Variants in NAV2 observed in about 807,000 individuals in gnomAD.
NAV2 encodes the protein helicase, APC down-regulated 1.
NAV2 carries 54 observed loss-of-function variants against 223.2 expected under a neutral mutation model. The ratio of observed to expected loss-of-function variants is 0.24; its 90% CI spans 0.19 to 0.30. NAV2 has a LOEUF of 0.30. Among genes scored for constraint, NAV2 ranks in the 10% least tolerant of loss-of-function variants. The pLI is 1.00. For missense variants in NAV2, 2,806 were observed against 3,147.5 expected, an observed-to-expected ratio of 0.89 and a Z score of 2.60; for synonymous variants, 1,279 against 1,239.3, an observed-to-expected ratio of 1.03 and a Z score of -0.67.
chr11:19,523,824 G>A (rs1016885160), intron 1 of NAV2, among the ~76,000 whole-genome samples: 5 of 152,010 alleles, frequency 3.3e-5, no homozygotes, highest in African/African-American at 9.7e-5. Flanking sequence ...ACCTCCCATC[G>A]CCCACTCTGA....
intron 1 of NAV2, among the ~76,000 whole-genome samples, chr11:19,442,770 C>T (rs1041930324): frequency 3.9e-5 from 6 of 152,228 alleles, no homozygotes; most frequent in Admixed American, 6.5e-5. Flanking sequence ...CCAACCTTTA[C>T]AGCAAGTGTG....
Position 19,940,286 on chromosome 11 carries a change from T to C in NAV2, c.2146+513T>C, listed in dbSNP as rs190801035. On this transcript the variant is annotated intron_variant, in intron 8 of 37. Transcript: ENST00000349880. Reference sequence around the variant, plus strand: ...AAATATAAATTTTATTTAAATGTAATGTAGACAATGATGATTACAGGTACA... The same window carrying C: ...AAATATAAATTTTATTTAAATGTAACGTAGACAATGATGATTACAGGTACA... Among the ~76,000 whole-genome samples, 399 of 152,292 alleles carry C rather than the reference T, an allele frequency of 2.6e-3. 3 individuals carry two copies. The highest frequency in any genetic ancestry group is 6.7e-3 in the African/African-American group (280 of 41,564).
intron 1 of NAV2, among the ~76,000 whole-genome samples, chr11:19,494,027 C>A (rs1471664404): frequency 1.3e-5 from 2 of 152,206 alleles, no homozygotes; most frequent in Non-Finnish European, 2.9e-5. Context: ...CTGGCCTGAT[C>A]CCTGCAGACC....
At chr11:19,405,188 C>A (rs1849842611) in intron 1 of NAV2, among the ~76,000 whole-genome samples, 1 of 152,180 alleles carries the variant, frequency 6.6e-6, no homozygotes, top group South Asian at 2.1e-4. Context: ...TGGTCTTAGA[C>A]CCCACCAGGC....
At chr11:19,626,589 A>T (rs2047178038) in intron 1 of NAV2, among the ~76,000 whole-genome samples, 1 of 152,058 alleles carries the variant, frequency 6.6e-6, no homozygotes, top group Admixed American at 6.6e-5. Flanking sequence ...TTTGATAGGG[A>T]TTGCATTGAA....
At chr11:19,407,709 C>T (rs1322954152) in intron 1 of NAV2, among the ~76,000 whole-genome samples, 1 of 151,896 alleles carries the variant, frequency 6.6e-6, no homozygotes, top group Non-Finnish European at 1.5e-5. Context: ...GCATGCCCCC[C>T]TTCCAACTTG....
rs138820855 is a variant in NAV2, at chr11:19,713,148, G to C, written c.-548G>C. On this transcript the variant is annotated 5_prime_UTR_variant, in exon 1 of 38. Coordinates refer to ENST00000349880, the MANE Select transcript of NAV2 (RefSeq NM_145117.5). This position sits in a 1 kb window ranked among gnomAD's most constrained non-coding sequence, Gnocchi z 7.2. Reference sequence around the variant, plus strand: ...CGAGCAGGGTGGCAGCTGCCTCTCGGTGGAGACGTCTTGGGACCCTTGCGC... The same window carrying C: ...CGAGCAGGGTGGCAGCTGCCTCTCGCTGGAGACGTCTTGGGACCCTTGCGC... Among the ~76,000 whole-genome samples the C allele has an allele frequency of 3.1e-3, 465 of 152,210 alleles. 4 individuals carry two copies. Among genetic ancestry groups the C allele is most frequent in the African/African-American group, 0.011 (439 of 41,556 alleles).
chr11:19,864,289 C>T (rs762600424), intron 3 of NAV2, among the ~76,000 whole-genome samples: 21 of 152,114 alleles, frequency 1.4e-4, no homozygotes, highest in Non-Finnish European at 1.8e-4. Flanking sequence ...GTGGTAGCAC[C>T]CATAGAGATG....
intron 11 of NAV2, among the ~76,000 whole-genome samples, chr11:20,004,250 G>A (rs760789644): frequency 4.6e-5 from 7 of 152,206 alleles, no homozygotes; most frequent in Non-Finnish European, 1.0e-4. Context: ...AGTTAGAATT[G>A]TGATGCCAAA....
intron 3 of NAV2, among the ~76,000 whole-genome samples, chr11:19,860,100 C>T (rs1207677570): frequency 7.5e-6 from 1 of 132,808 alleles, no homozygotes; most frequent in Admixed American, 7.2e-5. Context: ...GGGCTCCTCA[C>T]TTCCCAGTAG....
intron 1 of NAV2, among the ~76,000 whole-genome samples, chr11:19,479,375 T>C (rs1375210519): frequency 6.6e-6 from 1 of 152,180 alleles, no homozygotes; most frequent in East Asian, 1.9e-4. Flanking sequence ...GCTCCACTGC[T>C]GGATAGTAAT....
At position 19,641,095 on chromosome 11, in the gene NAV2, C is replaced by T. The variant is rs1027547246; in HGVS notation, c.76-191389C>T. ...CCAGAGACTGTTGCTGTCCATCGCA[C>T]TCTGGGCAGACAGGCCCCTGTGGTA... is the stretch of plus-strand genomic sequence containing the variant. On this transcript the variant is annotated intron_variant, in intron 1 of 37. Transcript: ENST00000360655. Among the ~76,000 whole-genome samples, 4 of 152,302 alleles carry T rather than the reference C, an allele frequency of 2.6e-5. 1 individual carries two copies. In the South Asian group the frequency reaches 8.3e-4, roughly 32 times the overall value.
intron 10 of NAV2, among the ~76,000 whole-genome samples, chr11:19,950,547 C>A (rs1450894304): frequency 1.3e-5 from 2 of 152,244 alleles, no homozygotes; most frequent in East Asian, 3.8e-4. Flanking sequence ...CTCTGTTCTA[C>A]CTCTGTGACT....
At chr11:19,625,209 T>C (rs2047130395) in intron 1 of NAV2, among the ~76,000 whole-genome samples, 1 of 152,238 alleles carries the variant, frequency 6.6e-6, no homozygotes, top group African/African-American at 2.4e-5. Flanking sequence ...AATCTCTCCC[T>C]ATCTTTCCCT....
intron 1 of NAV2, among the ~76,000 whole-genome samples, chr11:19,577,285 A>G (rs951784313): frequency 2.0e-5 from 3 of 152,192 alleles, no homozygotes; most frequent in Admixed American, 6.5e-5. Context: ...TCAGCGTTCT[A>G]TTTGCTTCCT....
In NAV2 at chr11:19,869,169, C is replaced by T. The variant is rs151136181; in HGVS notation, c.511+172C>T. 1.0e-3 allele frequency among the ~76,000 whole-genome samples: 155 copies of T among 152,324 alleles called. 2 individuals carry two copies. The East Asian group carries it at 0.025, about 24-fold the overall frequency. The stretch of plus-strand genomic sequence containing the variant: ...TAGACTTGAGGATGCCAAGGACTCA[C>T]TCCAAGAATGTGGATTCAACCATAC... On this transcript the variant is annotated intron_variant, in intron 4 of 37. Transcript: ENST00000349880.
intron 11 of NAV2, among the ~76,000 whole-genome samples, chr11:20,003,268 A>G (rs559215143): frequency 3.3e-5 from 5 of 152,300 alleles, no homozygotes; most frequent in East Asian, 1.9e-4. Flanking sequence ...AGAACTGGCA[A>G]TTGATCAGGA....
At chr11:19,809,533 ATTAG>A (rs2058748919) in intron 1 of NAV2, among the ~76,000 whole-genome samples, 1 of 152,224 alleles carries the variant, frequency 6.6e-6, no homozygotes, top group South Asian at 2.1e-4. Flanking sequence ...ATATTCACAT[ATTAG>A]TTAGTGAACC....
chr11:19,909,307 G>A (rs2043123970), intron 6 of NAV2, among the ~76,000 whole-genome samples: 1 of 152,150 alleles, frequency 6.6e-6, no homozygotes, highest in Non-Finnish European at 1.5e-5. Flanking sequence ...TCTAGACAGT[G>A]CCCCATTCCA....
Sources: gnomAD v4.1 joint callset for allele counts (sites outside exome capture counted in the v4.1 genomes callset) on GRCh38, gnomAD v4.1.1 for gene constraint, Gnocchi (gnomAD v3.1) non-coding constraint, MANE v1.5 for transcripts, NCBI Gene and HGNC (gene_info 2026-07-23, HGNC 2026-07-21) for gene names.